Variants in TFB1M observed in about 807,000 individuals in gnomAD.
TFB1M encodes transcription factor B1, mitochondrial, also known as dimethyladenosine transferase 1, mitochondrial.
TFB1M carries 27 observed loss-of-function variants against 31.1 expected under a neutral mutation model. The ratio of observed to expected loss-of-function variants is 0.87; its 90% CI spans 0.64 to 1.20. The LOEUF (loss-of-function observed/expected upper bound fraction) is 1.20. TFB1M is among the 50% of genes most tolerant of loss of function. TFB1M has a pLI of 0.00. For missense variants in TFB1M, 394 were observed against 418.7 expected (o/e 0.94, Z 0.51); for synonymous variants, 166 against 151.8 (o/e 1.09, Z -0.69).
the TFB1M span, among the ~76,000 whole-genome samples, chr6:155,235,707 T>C: frequency 7.9e-5 from 12 of 152,242 alleles, no homozygotes; most frequent in Admixed American, 2.0e-4. Context: ...GGTGGCTTTC[T>C]AGCACTTGAA....
At position 155,256,583 on chromosome 6, in the gene TFB1M, T is replaced by TGAGCAGCGGCACCCA. The variant is rs771678194; in HGVS notation, c.*1238_*1252dup. The TGAGCAGCGGCACCCA allele has an allele frequency of 1.2e-5, 19 of 1,614,008 alleles. No homozygotes were observed. The highest frequency in any genetic ancestry group is 1.6e-5 in the Non-Finnish European group (19 of 1,180,028). ...TTGCTGGACTCTGACGAGGGCAGCTTGAGCAGCGGCACCCAGAGCAGCGGC... is the reference window on the plus strand; with the variant it reads ...TTGCTGGACTCTGACGAGGGCAGCTTGAGCAGCGGCACCCAGAGCAGCGGCACCCAGAGCAGCGGC... On this transcript the variant is annotated 3_prime_UTR_variant, in exon 7 of 7. Coordinates refer to ENST00000367166, the MANE Select transcript of TFB1M (RefSeq NM_016020.4).
chr6:155,308,369 T>C (rs1397265977), intron 2 of TFB1M, among the ~76,000 whole-genome samples: 1 of 152,178 alleles, frequency 6.6e-6, no homozygotes, highest in African/African-American at 2.4e-5. Flanking sequence ...TCCTGATCAG[T>C]CATTAATCAC....
chr6:155,247,328 T>A, the TFB1M span, among the ~76,000 whole-genome samples: 1 of 152,038 alleles, frequency 6.6e-6, no homozygotes, highest in Admixed American at 6.5e-5. Flanking sequence ...TTAATGGCTT[T>A]TTTGATGTTG....
chr6:155,252,677 A>G (rs577080395), downstream of TFB1M, among the ~76,000 whole-genome samples: 1 of 152,312 alleles, frequency 6.6e-6, no homozygotes, highest in East Asian at 1.9e-4. Flanking sequence ...TACCATTCAG[A>G]GGCAGCGTCA....
chr6:155,275,668 A>G, intron 5 of TFB1M: 1 of 1,501,462 alleles, frequency 6.7e-7, no homozygotes, highest in South Asian at 1.3e-5. Context: ...TCTGACAGCC[A>G]TCATTGTTAA....
intron 6 of TFB1M, among the ~76,000 whole-genome samples, chr6:155,258,943 A>G (rs1427549850): frequency 1.3e-5 from 2 of 152,196 alleles, no homozygotes; most frequent in African/African-American, 4.8e-5. Context: ...CCAATAAGTC[A>G]AAGTCCTTTG....
At chr6:155,249,890 A>C in the TFB1M span, 1 of 1,614,178 alleles carries the variant, frequency 6.2e-7, no homozygotes, top group Non-Finnish European at 8.5e-7. Flanking sequence ...AGCCACATCA[A>C]TGAGATGCAG....
the TFB1M span, chr6:155,245,598 T>C: frequency 6.3e-7 from 1 of 1,585,640 alleles, no homozygotes; most frequent in African/African-American, 1.3e-5. Context: ...CATGTCTGAT[T>C]TGACTTTCCC....
the TFB1M span, among the ~76,000 whole-genome samples, chr6:155,238,223 CT>C: frequency 6.6e-6 from 1 of 152,236 alleles, no homozygotes; most frequent in Non-Finnish European, 1.5e-5. Flanking sequence ...CAAGGGTCAG[CT>C]TTGCTCCAGT....
the TFB1M span, chr6:155,247,953 T>C: frequency 1.3e-6 from 2 of 1,561,924 alleles, no homozygotes; most frequent in Non-Finnish European, 1.7e-6. Flanking sequence ...AAGAATTTAA[T>C]TCACCCCACT....
At chr6:155,314,185 C>T in intron 1 of TFB1M, 111 bp downstream of exon 1, 1 of 1,554,044 alleles carries the variant, frequency 6.4e-7, no homozygotes, top group Non-Finnish European at 8.7e-7. Flanking sequence ...GACCAAAAGC[C>T]CGTCGCACGC....
At chr6:155,274,760 A>C (rs1265637773) in intron 5 of TFB1M, among the ~76,000 whole-genome samples, 2 of 152,268 alleles carry the variant, frequency 1.3e-5, no homozygotes, top group Admixed American at 6.5e-5. Flanking sequence ...TCCTCCTCAA[A>C]TGGTTCACTT....
At chr6:155,286,515 G>A (rs12200250) in intron 4 of TFB1M, among the ~76,000 whole-genome samples, 4 of 86,284 alleles carry the variant, frequency 4.6e-5, no homozygotes, top group South Asian at 3.6e-4. Context: ...ATATATGTGT[G>A]TATATATATG....
intron 5 of TFB1M, among the ~76,000 whole-genome samples, chr6:155,266,502 G>C (rs1050256679): frequency 6.6e-6 from 1 of 152,136 alleles, no homozygotes; most frequent in Admixed American, 6.5e-5. Context: ...AGCTCACCAG[G>C]GGGGATGAAA....
rs1160746732 is a variant in TFB1M, at chr6:155,257,399, T to TTAAG, written c.*433_*436dup. 2.8e-5 allele frequency: 11 copies of TTAAG among 396,052 alleles called. No homozygotes were observed. Among genetic ancestry groups the TTAAG allele is most frequent in the African/African-American group, 4.2e-5 (2 of 47,426 alleles). The allele number at this position is 396,052 out of a possible 1,614,324, so 24.5% of individuals were successfully genotyped here. ...GATCCTTAAAATTACATTCTAATAA[T>TTAAG]TAAGTTATGTGGAAAAAGTAAGGCT... On this transcript the variant is annotated 3_prime_UTR_variant, in exon 7 of 7. Coordinates refer to ENST00000367166, the MANE Select transcript of TFB1M (RefSeq NM_016020.4).
At chr6:155,269,971 C>T (rs1784847892) in intron 5 of TFB1M, among the ~76,000 whole-genome samples, 1 of 152,218 alleles carries the variant, frequency 6.6e-6, no homozygotes, top group Non-Finnish European at 1.5e-5. Context: ...GAAGTGCTTG[C>T]CCTGTGGGGC....
intron 5 of TFB1M, among the ~76,000 whole-genome samples, chr6:155,262,239 T>C (rs1784426049): frequency 1.3e-5 from 2 of 152,250 alleles, no homozygotes; most frequent in Non-Finnish European, 2.9e-5. Context: ...AAAGAAGACC[T>C]GATCTATGAA....
At position 155,257,152 on chromosome 6, in the gene TFB1M, C is replaced by A; in HGVS notation, c.*684G>T. ...TTCAATCCAGATATGGGTTAAATTC[C>A]TCATTTTACTTTTAAACTGGTGGTA... On this transcript the variant is annotated 3_prime_UTR_variant, in exon 7 of 7. Coordinates refer to ENST00000367166, the MANE Select transcript of TFB1M (RefSeq NM_016020.4). 2 of 1,472,736 alleles carry A rather than the reference C, an allele frequency of 1.4e-6. No homozygotes were observed. The highest frequency in any genetic ancestry group is 1.5e-5 in the African/African-American group (1 of 68,906). The allele number at this position is 1,472,736 out of a possible 1,614,324, so 91.2% of individuals were successfully genotyped here.
intron 5 of TFB1M, among the ~76,000 whole-genome samples, chr6:155,271,234 T>C (rs1376863579): frequency 6.6e-6 from 1 of 152,212 alleles, no homozygotes; most frequent in Non-Finnish European, 1.5e-5. Flanking sequence ...TATGAATTTA[T>C]AGCTTGTAGA....
Sources: gnomAD v4.1 joint callset for allele counts (sites outside exome capture counted in the v4.1 genomes callset) on GRCh38, gnomAD v4.1.1 for gene constraint, MANE v1.5 for transcripts, NCBI Gene and HGNC (gene_info 2026-07-23, HGNC 2026-07-21) for gene names.